Variants in LBP observed in about 807,000 individuals in gnomAD.
The protein encoded by LBP is lipopolysaccharide-binding protein.
In LBP, 53 loss-of-function variants were observed where a neutral mutation model predicts 56.6. The observed-to-expected ratio is 0.94, with a 90% CI of 0.75 to 1.18. LBP has a LOEUF of 1.18. Among genes scored for constraint, LBP ranks in the 50% most tolerant of loss-of-function variants. LBP has a pLI of 0.00. For missense variants in LBP, 601 were observed against 598.3 expected (o/e 1.00, Z -0.05); for synonymous variants, 227 against 247.5 (o/e 0.92, Z 0.78).
intron 5 of LBP, among the ~76,000 whole-genome samples, chr20:38,358,515 G>C (rs986809702): frequency 1.3e-5 from 2 of 152,222 alleles, no homozygotes; most frequent in African/African-American, 4.8e-5. Flanking sequence ...CAGGGAGATG[G>C]ATGGAGTTTC....
chr20:38,362,505 C>T (rs989477405), intron 6 of LBP, among the ~76,000 whole-genome samples: 18 of 150,128 alleles, frequency 1.2e-4, no homozygotes, highest in African/African-American at 3.9e-4. Context: ...CCCAGCTACT[C>T]GGGAGGCTGA....
At chr20:38,364,428 C>A in intron 7 of LBP, 148 bp from the exon 8 acceptor site, 1 of 774,870 alleles carries the variant, frequency 1.3e-6, no homozygotes, top group Non-Finnish European at 2.1e-6. Context: ...GTGAGCTTTT[C>A]ATTAAAAGAC....
At chr20:38,351,131 C>T (rs936948404) in intron 3 of LBP, among the ~76,000 whole-genome samples, 192 bp downstream of exon 3, 1 of 152,246 alleles carries the variant, frequency 6.6e-6, no homozygotes, top group Non-Finnish European at 1.5e-5. Context: ...TCTCTACTTC[C>T]TCATCTCCCA....
chr20:38,350,871 C>T lies in LBP; in HGVS notation c.300C>T (p.Gly100=), dbSNP rs747322873. The T allele has an allele frequency of 6.2e-7, 1 of 1,614,060 alleles. No homozygotes were observed. Among genetic ancestry groups the T allele is most frequent in the Non-Finnish European group, 8.5e-7 (1 of 1,179,936 alleles). ...CGCTGAGGCCTGTCCCTGGCCAGGG[C>T]CTGAGTCTCAGCATCTCCGACTCCT... ...HSALRPVPGQ[G]LSLSISDSSI... The change falls in exon 3 of 15, where the codon GGC becomes GGT. Residue 100 remains glycine, a synonymous_variant. Coordinates refer to ENST00000217407, the MANE Select transcript of LBP (RefSeq NM_004139.5).
chr20:38,367,647 A>C (rs942493084), intron 9 of LBP, among the ~76,000 whole-genome samples: 2 of 152,200 alleles, frequency 1.3e-5, no homozygotes, highest in Non-Finnish European at 2.9e-5. Context: ...ATGTATATAC[A>C]GGTTCACTAT....
intron 14 of LBP, among the ~76,000 whole-genome samples, chr20:38,374,950 A>ATTTTTTTTTTTTTTTTTTTTTTT (rs370110558): frequency 1.6e-5 from 2 of 127,146 alleles, no homozygotes; most frequent in African/African-American, 3.1e-5. Flanking sequence ...CTCCCAGCTA[A>ATTTTTTTTTTTTTTTTTTTTTTT]TTTTTTTTTT....
chr20:38,354,364 G>T lies in LBP; in HGVS notation c.449G>T (p.Gly150Val). ...VNLLLGSESS[G>V]RPTVTASSCS... ...CTCCTGTTGGGCAGCGAGTCCTCCG[G>T]GAGGCCCACAGTTACTGCCTCCAGC... Residue 150 changes from glycine (G) to valine (V), a missense_variant, in exon 4 of 15, where the codon GGG (glycine) becomes GTG (valine). Physicochemically the swap from Gly to Val is moderately radical, Grantham distance 109. Coordinates refer to ENST00000217407, the MANE Select transcript of LBP (RefSeq NM_004139.5). 6.2e-7 allele frequency: 1 copy of T among 1,613,712 alleles called. No homozygotes were observed. Among genetic ancestry groups the T allele is most frequent in the East Asian group, 2.2e-5 (1 of 44,864 alleles).
In LBP at chr20:38,361,812, C is replaced by T. The variant is rs75528317; in HGVS notation, c.652+1045C>T. ...TACATGCATGTAACCAGCTCCCAAC[C>T]GAGAAACAGAACACGGCTGGTTTTT... On this transcript the variant is annotated intron_variant, in intron 6 of 14. Coordinates refer to ENST00000217407, the MANE Select transcript of LBP (RefSeq NM_004139.5). Among the ~76,000 whole-genome samples, 5 of 152,154 alleles carry T rather than the reference C, an allele frequency of 3.3e-5. No individual in the cohort carries two copies. The East Asian group carries it at 5.8e-4, about 18-fold the overall frequency.
At chr20:38,356,420 G>A (rs202014943) in intron 5 of LBP, among the ~76,000 whole-genome samples, 2 of 124,882 alleles carry the variant, frequency 1.6e-5, no homozygotes, top group African/African-American at 3.3e-5. Context: ...ACACACACGC[G>A]CACACACACA....
rs373530154 is a variant in LBP, at chr20:38,366,812, G to A, written c.965G>A (p.Arg322Gln). ...ATCCGACTGACCACCAAGTCCTTCC[G>A]ACCCTTCGTCCCACGGGTAAGGAGT... Reference protein sequence around the residue: ...SNIRLTTKSFRPFVPRLARLY... With the variant: ...SNIRLTTKSFQPFVPRLARLY... Residue 322 changes from arginine (R) to glutamine (Q), a missense_variant, in exon 9 of 15, where the codon CGA (arginine) becomes CAA (glutamine). Arg to Gln is a conservative substitution (Grantham distance 43). Transcript: ENST00000217407. The A allele has an allele frequency of 2.2e-5, 35 of 1,614,028 alleles. No homozygotes were observed. The African/African-American group carries it at 2.3e-4, about 10-fold the overall frequency.
chr20:38,356,337 C>T (rs1468401047), intron 5 of LBP, among the ~76,000 whole-genome samples: 1 of 139,038 alleles, frequency 7.2e-6, no homozygotes, highest in Non-Finnish European at 1.6e-5. Context: ...ACCACCCACA[C>T]CCCCTACATG....
chr20:38,346,636 G>C lies in LBP; in HGVS notation c.120G>C (p.Gln40His), dbSNP rs2076802344. The change falls in exon 1 of 15, where the codon CAG becomes CAC. Residue 40 changes from glutamine to histidine, a missense_variant. Physicochemically the swap from Gln to His is conservative, Grantham distance 24. Transcript: ENST00000217407. ...LVARITDKGL[Q>H]YAAQEGLLAL... ...CCAGGATCACCGACAAGGGACTGCA[G>C]TATGGTAAGAAGCCACATCTGCTGG... 6.2e-7 allele frequency: 1 copy of C among 1,613,332 alleles called. No homozygotes were observed. Among genetic ancestry groups the C allele is most frequent in the Non-Finnish European group, 8.5e-7 (1 of 1,179,922 alleles).
intron 5 of LBP, among the ~76,000 whole-genome samples, chr20:38,356,230 C>T (rs965623781): frequency 7.9e-5 from 1 of 12,642 alleles, no homozygotes; most frequent in Non-Finnish European, 2.2e-4. Flanking sequence ...ACACCCCACA[C>T]ACACACCCTA....
chr20:38,360,080 C>T (rs572704447), intron 5 of LBP, among the ~76,000 whole-genome samples: 33 of 152,052 alleles, frequency 2.2e-4, no homozygotes, highest in Admixed American at 1.8e-3. Flanking sequence ...GGTGAAACCC[C>T]GTCTCCACTA....
intron 3 of LBP, among the ~76,000 whole-genome samples, chr20:38,352,720 A>C (rs188099698): frequency 2.0e-5 from 3 of 152,196 alleles, no homozygotes; most frequent in Non-Finnish European, 2.9e-5. Context: ...ACGCCACTGC[A>C]CTCCAGTCTG....
chr20:38,366,199 C>T (rs11536978), intron 8 of LBP, among the ~76,000 whole-genome samples: 3,093 of 152,256 alleles, frequency 0.02, 109 homozygotes, highest in African/African-American at 0.07. Context: ...AGTCAGGGGC[C>T]GTCTGGTAGA....
In LBP at chr20:38,363,986, A is replaced by T. The variant is rs775830181; in HGVS notation, c.664A>T (p.Ile222Phe). Reference protein sequence around the residue: ...YLQTLPVTTEIDSFADIDYSL... With the variant: ...YLQTLPVTTEFDSFADIDYSL... ...GTCCTCATTCACAGTTACAACAGAG[A>T]TTGACAGTTTCGCCGACATTGATTA... is the stretch of plus-strand genomic sequence containing the variant. Residue 222 changes from isoleucine (I) to phenylalanine (F), a missense_variant, in exon 7 of 15, where the codon ATT becomes TTT. By Grantham distance (21) the Ile-to-Phe change is conservative (BLOSUM62 0). Coordinates refer to ENST00000217407, the MANE Select transcript of LBP (RefSeq NM_004139.5). 6.2e-7 allele frequency: 1 copy of T among 1,613,216 alleles called. No individual in the cohort carries two copies. Among genetic ancestry groups the T allele is most frequent in the Non-Finnish European group, 8.5e-7 (1 of 1,179,196 alleles).
intron 12 of LBP, among the ~76,000 whole-genome samples, chr20:38,372,560 T>A (rs569104922): frequency 6.6e-6 from 1 of 152,142 alleles, no homozygotes; most frequent in Non-Finnish European, 1.5e-5. Context: ...GCTGCCCAGT[T>A]TGTAGTAAGT....
intron 2 of LBP, 142 bp from the exon 3 acceptor site, chr20:38,350,669 C>T (rs1171460783): frequency 4.6e-6 from 4 of 864,392 alleles, no homozygotes; most frequent in East Asian, 2.6e-5. Context: ...GTCATAAGAT[C>T]GATGCCTGGG....
Sources: allele counts gnomAD v4.1 joint callset (sites outside exome capture counted in the v4.1 genomes callset), GRCh38; gene constraint gnomAD v4.1.1; transcripts MANE v1.5; gene names NCBI Gene and HGNC (gene_info 2026-07-23, HGNC 2026-07-21).